MAEA: variants seen among roughly 807,000 people sequenced by gnomAD.
MAEA encodes macrophage erythroblast attacher, E3 ubiquitin ligase, also known as E3 ubiquitin-protein transferase MAEA.
MAEA carries 22 observed loss-of-function variants against 46.2 expected under a neutral mutation model. The observed-to-expected ratio is 0.48, with a 90% CI of 0.34 to 0.68. The LOEUF (loss-of-function observed/expected upper bound fraction) is 0.68, where lower values mean the gene tolerates loss of function less well. Ranked by LOEUF, MAEA falls within the 30% of genes least tolerant of loss-of-function variation. The pLI is 0.01. For missense variants in MAEA, 393 were observed against 558.1 expected (o/e 0.70, Z 2.98); for synonymous variants, 246 against 222.6 (o/e 1.11, Z -0.94).
At chr4:1,291,478 A>G (rs1305179101) in intron 1 of MAEA, among the ~76,000 whole-genome samples, 1 of 152,180 alleles carries the variant, frequency 6.6e-6, no homozygotes, top group African/African-American at 2.4e-5. Context: ...TGGTTTAGAG[A>G]TGGAGACCCT....
intron 1 of MAEA, among the ~76,000 whole-genome samples, chr4:1,295,128 C>T (rs1363166273): frequency 2.6e-5 from 4 of 151,998 alleles, no homozygotes; most frequent in Non-Finnish European, 4.4e-5. Flanking sequence ...AAGACAAGGC[C>T]GGCCGGTGCC....
At chr4:1,332,926 G>C (rs1712040058) in intron 6 of MAEA, 61 bp downstream of exon 6, 1 of 1,312,566 alleles carries the variant, frequency 7.6e-7, no homozygotes, top group Non-Finnish European at 1.1e-6. Flanking sequence ...GTGTGTCTCT[G>C]GTCTGTAGCT....
intron 3 of MAEA, among the ~76,000 whole-genome samples, chr4:1,319,526 A>G (rs1737740769): frequency 1.3e-5 from 2 of 152,090 alleles, no homozygotes; most frequent in African/African-American, 4.8e-5. Context: ...AGAGAGATCC[A>G]ACTGGGTTCA....
intron 1 of MAEA, among the ~76,000 whole-genome samples, chr4:1,297,792 G>A (rs1007148138): frequency 6.6e-6 from 1 of 152,282 alleles, no homozygotes; most frequent in East Asian, 1.9e-4. Flanking sequence ...CCTAAACTTC[G>A]CATCTCACTT....
chr4:1,303,312 G>A (rs1354814444), intron 1 of MAEA, among the ~76,000 whole-genome samples: 1 of 147,900 alleles, frequency 6.8e-6, no homozygotes, highest in Non-Finnish European at 1.5e-5. Context: ...TGAGGCAGGA[G>A]GATCACTTAA....
At chr4:1,332,149 A>G (rs565911207) in intron 5 of MAEA, 1 of 152,650 alleles carries the variant, frequency 6.6e-6, no homozygotes, top group East Asian at 1.9e-4. Context: ...GAGAGTGGGA[A>G]TCCTCAGGGT....
Position 1,334,973 on chromosome 4 carries a change from T to C in MAEA, c.766-1888T>C, listed in dbSNP as rs2109012006. 5.1e-6 allele frequency: 5 copies of C among 985,400 alleles called. No individual in the cohort carries two copies. In the South Asian group the frequency reaches 2.3e-4, roughly 46 times the overall value. The allele number at this position is 985,400 out of a possible 1,614,324, so 61.0% of individuals were successfully genotyped here. A position where few individuals can be genotyped will look rare whatever the true frequency, so the allele number is the denominator to read the frequency against. On this transcript the variant is annotated intron_variant, in intron 6 of 8. Transcript: ENST00000303400. ...TTACCCTAAACTGAGACTGAGAAGC[T>C]TACAGAGACTGATGGGTGACGTCCC...
Position 1,322,409 on chromosome 4 carries a change from C to G in MAEA, c.485C>G (p.Thr162Arg). The G allele has an allele frequency of 6.2e-7, 1 of 1,614,030 alleles. No homozygotes were observed. The highest frequency in any genetic ancestry group is 8.5e-7 in the Non-Finnish European group (1 of 1,179,972). ...CTAGTGAATATTGAGATGTTCCTGA[C>G]GGCCAAAGAGGTGGAGGAGTCCCTG... Reference protein sequence around the residue: ...EDLVNIEMFLTAKEVEESLER... With the variant: ...EDLVNIEMFLRAKEVEESLER... The change falls in exon 4 of 9, where the codon ACG (threonine) becomes AGG (arginine). Residue 162 changes from threonine to arginine, a missense_variant. Physicochemically the swap from Thr to Arg is moderately conservative, Grantham distance 71 (BLOSUM62 -1). Around this residue, in one of 2 missense-constraint regions of MAEA, gnomAD observed 358 missense variants for 537.9 expected, o/e 0.67. Transcript: ENST00000303400.
At position 1,318,367 on chromosome 4, in the gene MAEA, G is replaced by A. The variant is rs548421792; in HGVS notation, c.456+2767G>A. On this transcript the variant is annotated intron_variant, in intron 3 of 8. Transcript: ENST00000303400. ...AGTGAAAGAAGGGGGTCCTGTGGTG[G>A]GCACAGGCCACGCGTTCCACAGAAG... 3.3e-5 allele frequency among the ~76,000 whole-genome samples: 5 copies of A among 152,238 alleles called. No individual in the cohort carries two copies. The South Asian group carries it at 1.0e-3, about 31-fold the overall frequency.
At chr4:1,322,309 T>C in intron 3 of MAEA, 72 bp from the exon 4 acceptor site, 1 of 1,583,402 alleles carries the variant, frequency 6.3e-7, no homozygotes, top group East Asian at 2.2e-5. Context: ...TCATGGAGGC[T>C]GGGGTGTGGG....
Position 1,310,969 on chromosome 4 carries a change from C to T in MAEA, c.70-1010C>T, listed in dbSNP as rs78484678. 9.5e-3 allele frequency among the ~76,000 whole-genome samples: 1,452 copies of T among 152,374 alleles called. 80 individuals are homozygous for T. Among genetic ancestry groups the T allele is most frequent in the Admixed American group, 0.085 (1,294 of 15,312 alleles). On this transcript the variant is annotated intron_variant, in intron 1 of 8. Coordinates refer to ENST00000303400, the MANE Select transcript of MAEA (RefSeq NM_001017405.3). ...CGTCCAGGTCTCCCTCACTGCAGCC[C>T]TGCCTTCCTCACGTGGCCTCACGGC...
At chr4:1,310,138 G>A (rs1736305924) in intron 1 of MAEA, 2 of 522,382 alleles carry the variant, frequency 3.8e-6, no homozygotes, top group Non-Finnish European at 4.9e-6. Context: ...TATGCCTTGC[G>A]TCCTTTAGAA....
At chr4:1,306,307 A>G (rs1735824951) in intron 1 of MAEA, among the ~76,000 whole-genome samples, 1 of 152,164 alleles carries the variant, frequency 6.6e-6, no homozygotes, top group South Asian at 2.1e-4. Flanking sequence ...CCTGCCCTTC[A>G]TAGAACTTCT....
At chr4:1,296,946 G>A (rs988618143) in intron 1 of MAEA, among the ~76,000 whole-genome samples, 2 of 152,156 alleles carry the variant, frequency 1.3e-5, no homozygotes, top group Non-Finnish European at 2.9e-5. Flanking sequence ...CAGCCCTCCA[G>A]AGGTTGTGTG....
intron 2 of MAEA, among the ~76,000 whole-genome samples, chr4:1,314,841 G>A (rs535669929): frequency 5.3e-5 from 8 of 152,306 alleles, no homozygotes; most frequent in South Asian, 2.1e-4. Flanking sequence ...AAGCCAGCCC[G>A]GATCCTGGAT....
chr4:1,323,418 G>A (rs998131742), intron 4 of MAEA: 23 of 695,264 alleles, frequency 3.3e-5, no homozygotes, highest in African/African-American at 1.6e-4. Flanking sequence ...TAAACTGAGC[G>A]CTGCTTTAAC....
At chr4:1,334,843 G>A (rs1712538339) in intron 6 of MAEA, 1 of 985,150 alleles carries the variant, frequency 1.0e-6, no homozygotes, top group Non-Finnish European at 1.2e-6. Flanking sequence ...GTTCTTCTCA[G>A]TGAGGACCTT....
Position 1,337,007 on chromosome 4 carries a change from C to T in MAEA, c.899+13C>T. The T allele has an allele frequency of 6.2e-7, 1 of 1,613,210 alleles. No homozygotes were observed. On this transcript the variant is annotated intron_variant, in intron 7 of 8. Transcript: ENST00000303400. ...CCATCAAGACACCGTATCCTACCTC[C>T]CGTGCGCAGTGCGGTTTGGCCTGGG...
chr4:1,309,885 C>G (rs1364865105), intron 1 of MAEA: 1 of 1,307,940 alleles, frequency 7.6e-7, no homozygotes, highest in Non-Finnish European at 9.8e-7. Flanking sequence ...GGCGGACGGC[C>G]CGGCAGGGGT....
Sources: allele counts gnomAD v4.1 joint callset (sites outside exome capture counted in the v4.1 genomes callset), GRCh38; gene constraint gnomAD v4.1.1; regional missense constraint gnomAD v4.1.1; transcripts MANE v1.5; gene names NCBI Gene and HGNC (gene_info 2026-07-23, HGNC 2026-07-21).